HIPK3: variants seen among roughly 807,000 people sequenced by gnomAD.
HIPK3 encodes homeodomain-interacting protein kinase 3.
Under a neutral mutation model 124.2 loss-of-function variants are expected in HIPK3, and 47 were observed. The ratio of observed to expected loss-of-function variants is 0.38; its 90% CI spans 0.30 to 0.48. The LOEUF (loss-of-function observed/expected upper bound fraction) is 0.48. HIPK3 is among the 20% of genes least tolerant of loss of function. The probability of loss-of-function intolerance (pLI) is 0.98; values close to 1 mark genes in which losing one functional copy is unlikely to be tolerated. For missense variants in HIPK3, 1,286 were observed against 1,454.3 expected (o/e 0.88, Z 1.88); for synonymous variants, 482 against 515.2 (o/e 0.94, Z 0.87).
chr11:33,312,067 C>T (rs1196012828), intron 2 of HIPK3, among the ~76,000 whole-genome samples: 1 of 151,928 alleles, frequency 6.6e-6, no homozygotes, highest in Non-Finnish European at 1.5e-5. Flanking sequence ...GCTATGTTGC[C>T]CAGGATGGTC....
At chr11:33,264,060 TCA>T in intron 1 of HIPK3, among the ~76,000 whole-genome samples, 1 of 152,322 alleles carries the variant, frequency 6.6e-6, no homozygotes, top group East Asian at 1.9e-4. Context: ...TCTATGTCTG[TCA>T]CACAGTCCTT....
chr11:33,276,045 T>C (rs1485607051), intron 1 of HIPK3, among the ~76,000 whole-genome samples: 1 of 152,222 alleles, frequency 6.6e-6, no homozygotes, highest in Non-Finnish European at 1.5e-5. Flanking sequence ...ACTTATCCTT[T>C]GACAAATATT....
Position 33,283,134 on chromosome 11 carries a change from G to C in HIPK3, c.-2-3279G>C, listed in dbSNP as rs540808160. On this transcript the variant is annotated intron_variant, in intron 1 of 16. Coordinates refer to ENST00000303296, the MANE Select transcript of HIPK3 (RefSeq NM_005734.5). ...AATTTCTTTTTTTTTTTTTTGAGAC[G>C]GAGTCTCCCTCTGCCGCCCAGGAAG... Among the ~76,000 whole-genome samples the C allele has an allele frequency of 3.5e-4, 52 of 149,574 alleles. No individual in the cohort carries two copies. The South Asian group carries it at 0.011, about 31-fold the overall frequency.
At chr11:33,286,341 A>G (rs1283040163) in intron 1 of HIPK3, 72 bp from the exon 2 acceptor site, 8 of 1,259,042 alleles carry the variant, frequency 6.4e-6, no homozygotes, top group Non-Finnish European at 8.3e-6. Flanking sequence ...TTTAAAATTG[A>G]AAAAAAAATT....
chr11:33,345,520 T>C (rs1414781955), intron 8 of HIPK3, among the ~76,000 whole-genome samples: 1 of 152,182 alleles, frequency 6.6e-6, no homozygotes, highest in Non-Finnish European at 1.5e-5. Context: ...ATTCTTCTCA[T>C]CTTAAGGCAT....
At chr11:33,296,213 T>G (rs888823155) in intron 2 of HIPK3, among the ~76,000 whole-genome samples, 1 of 152,224 alleles carries the variant, frequency 6.6e-6, no homozygotes, top group African/African-American at 2.4e-5. Context: ...TTAGGCTTTT[T>G]CCAGTGTCCC....
rs191028446 is a variant in HIPK3 at position 33,277,106 on chromosome 11, G to A, written c.-2-9307G>A. 2.6e-3 allele frequency among the ~76,000 whole-genome samples: 395 copies of A among 152,210 alleles called. 2 individuals are homozygous for A. The highest frequency in any genetic ancestry group is 9.2e-3 in the African/African-American group (384 of 41,538). On this transcript the variant is annotated intron_variant, in intron 1 of 16. Transcript: ENST00000303296. ...TATTTAAAAATTAATGTAAACCCAGGCTATGAAAGTATAGGGAGTAATAGA... is the reference window on the plus strand; with the variant it reads ...TATTTAAAAATTAATGTAAACCCAGACTATGAAAGTATAGGGAGTAATAGA...
At chr11:33,332,468 G>T (rs897488421) in intron 3 of HIPK3, among the ~76,000 whole-genome samples, 2 of 152,112 alleles carry the variant, frequency 1.3e-5, no homozygotes, top group African/African-American at 4.8e-5. Flanking sequence ...CTATTTTATG[G>T]ATGGATGGAT....
Position 33,351,756 on chromosome 11 carries a change from G to C in HIPK3, c.2956G>C (p.Glu986Gln). 6.2e-7 allele frequency: 1 copy of C among 1,614,200 alleles called. No homozygotes were observed. Among genetic ancestry groups the C allele is most frequent in the Non-Finnish European group, 8.5e-7 (1 of 1,180,038 alleles). ...NTELVSSADT[E>Q]TKPAVCSVVV... ...AGAATTGGTATCCTCTGCTGACACA[G>C]AAACCAAGCCAGCTGTCTGTTCTGT... The change falls in exon 15 of 17, where the codon GAA (glutamate) becomes CAA (glutamine). Residue 986 changes from glutamate to glutamine, a missense_variant. Glu to Gln is a conservative substitution (Grantham distance 29). This residue lies in a region of HIPK3 where 810 missense variants were observed against 864.9 expected (regional missense o/e 0.94). Coordinates refer to ENST00000303296, the MANE Select transcript of HIPK3 (RefSeq NM_005734.5).
Position 33,282,488 on chromosome 11 carries a change from C to T in HIPK3, c.-2-3925C>T, listed in dbSNP as rs532617798. 5.3e-5 allele frequency among the ~76,000 whole-genome samples: 8 copies of T among 152,252 alleles called. No homozygotes were observed. The South Asian group carries it at 1.0e-3, about 20-fold the overall frequency. On this transcript the variant is annotated intron_variant, in intron 1 of 16. Transcript: ENST00000303296. ...CTTGAGGCCAGGAGTTCGAGACCAGCTTGGCCAACATGACAAAACCCTGTC... is the reference window on the plus strand; with the variant it reads ...CTTGAGGCCAGGAGTTCGAGACCAGTTTGGCCAACATGACAAAACCCTGTC...
chr11:33,335,182 C>A (rs1853104439), intron 3 of HIPK3, among the ~76,000 whole-genome samples: 2 of 152,052 alleles, frequency 1.3e-5, no homozygotes, highest in Non-Finnish European at 2.9e-5. Flanking sequence ...AGAGTCCAGC[C>A]AGGTTGAAAG....
chr11:33,350,469 CCAG>C (rs1306930633), intron 14 of HIPK3, among the ~76,000 whole-genome samples: 1 of 151,210 alleles, frequency 6.6e-6, no homozygotes, highest in East Asian at 1.9e-4. Context: ...GAGTTCGAGA[CCAG>C]CCTGGACAAC....
intron 1 of HIPK3, among the ~76,000 whole-genome samples, chr11:33,264,069 C>T (rs1590335042): frequency 6.6e-6 from 1 of 152,102 alleles, no homozygotes; most frequent in Non-Finnish European, 1.5e-5. Context: ...GTCACACAGT[C>T]CTTTTCACCT....
chr11:33,273,501 CTCTG>C lies in HIPK3; in HGVS notation c.-2-12908_-2-12905del, dbSNP rs551596839. On this transcript the variant is annotated intron_variant, in intron 1 of 16. Transcript: ENST00000303296. ...CTCCAGCCTGGGCGACAGAGTGAGA[CTCTG>C]TCTCCACAAAAAAAAAAAAAAAAAA... Among the ~76,000 whole-genome samples the C allele has an allele frequency of 9.9e-3, 973 of 98,432 alleles. 9 individuals carry two copies. The highest frequency in any genetic ancestry group is 0.023 in the Middle Eastern group (2 of 88). 64.6% of individuals were successfully genotyped at this position (98,432 alleles called of 152,430 possible).
chr11:33,348,588 G>T lies in HIPK3; in HGVS notation c.2436G>T (p.Gly812=). ...SAFISPKIIN[G]KDVEEVSCIE... ...TTATTTCTCCAAAGATAATTAATGG[G>T]AAAGATGTCGAGGAAGTAAGTTGTA... The change falls in exon 13 of 17, where the codon GGG becomes GGT. Residue 812 remains glycine, a synonymous_variant. Transcript: ENST00000303296. 1 of 1,613,672 alleles carries T rather than the reference G, an allele frequency of 6.2e-7. No individual in the cohort carries two copies. The highest frequency in any genetic ancestry group is 1.1e-5 in the South Asian group (1 of 91,072).
intron 2 of HIPK3, among the ~76,000 whole-genome samples, chr11:33,294,600 A>C (rs1851790228): frequency 6.9e-6 from 1 of 145,118 alleles, no homozygotes; most frequent in South Asian, 2.3e-4. Context: ...GAACTGTTTA[A>C]ACTATTTTTT....
chr11:33,258,205 G>GGCCCCCCC, intron 1 of HIPK3: 4 of 642,212 alleles, frequency 6.2e-6, no homozygotes, highest in Non-Finnish European at 3.9e-6. Context: ...GGGGGCCTCG[G>GGCCCCCCC]CCCCCCCTCC....
chr11:33,289,820 C>T (rs1354266526), intron 2 of HIPK3, among the ~76,000 whole-genome samples: 1 of 152,176 alleles, frequency 6.6e-6, no homozygotes, highest in Non-Finnish European at 1.5e-5. Context: ...CATCTACTAC[C>T]CTTCCTAGAC....
At chr11:33,323,765 A>G (rs1019273906) in intron 2 of HIPK3, among the ~76,000 whole-genome samples, 2 of 152,248 alleles carry the variant, frequency 1.3e-5, no homozygotes, top group African/African-American at 4.8e-5. Flanking sequence ...AGCACATGGC[A>G]AAAAATTAAA....
Sources: gnomAD v4.1 joint callset for allele counts (sites outside exome capture counted in the v4.1 genomes callset) on GRCh38, gnomAD v4.1.1 for gene constraint, gnomAD v4.1.1 regional missense constraint, MANE v1.5 for transcripts, NCBI Gene and HGNC (gene_info 2026-07-23, HGNC 2026-07-21) for gene names.